NELL1: variants seen among roughly 807,000 people sequenced by gnomAD.
NELL1 encodes the protein protein kinase C-binding protein NELL1.
A neutral mutation model predicts 107.4 loss-of-function variants in NELL1; 76 were observed. The observed-to-expected ratio is 0.71, with a 90% CI of 0.59 to 0.86. The LOEUF is 0.86. Among genes scored for constraint, NELL1 ranks in the 40% least tolerant of loss-of-function variants. The pLI is 0.00. For missense variants in NELL1, 1,024 were observed against 1,005.5 expected, an observed-to-expected ratio of 1.02 and a Z score of -0.25; for synonymous variants, 353 against 341.2, an observed-to-expected ratio of 1.03 and a Z score of -0.38.
Position 21,461,682 on chromosome 11 carries a change from A to G in NELL1, c.1646-72692A>G, listed in dbSNP as rs957531667. 1.4e-4 allele frequency among the ~76,000 whole-genome samples: 22 copies of G among 152,132 alleles called. 1 individual carries two copies. The highest frequency in any genetic ancestry group is 2.0e-4 in the Admixed American group (3 of 15,246). ...TTATCATCAACACCATTTTGAAGTTAAGGAAATGAAGGCACAGAGAGTTTA... is the reference window on the plus strand; with the variant it reads ...TTATCATCAACACCATTTTGAAGTTGAGGAAATGAAGGCACAGAGAGTTTA... On this transcript the variant is annotated intron_variant, in intron 15 of 19. Transcript: ENST00000357134.
chr11:21,248,265 A>G (rs2959172), intron 14 of NELL1, among the ~76,000 whole-genome samples: 139,250 of 151,766 alleles, frequency 0.92, 64,099 homozygotes, highest in Non-Finnish European at 0.96. Context: ...AGGATTGCTT[A>G]AGCCCAGGAT....
At chr11:20,956,686 A>G (rs920640884) in intron 11 of NELL1, among the ~76,000 whole-genome samples, 2 of 151,954 alleles carry the variant, frequency 1.3e-5, no homozygotes, top group Non-Finnish European at 2.9e-5. Flanking sequence ...TCCGTTCGCC[A>G]TATGCATACC....
chr11:21,299,534 TGTGTGTGTGTGTGTGTGTG>T lies in NELL1; in HGVS notation c.1549+70081_1549+70099del, dbSNP rs1452092575. On this transcript the variant is annotated intron_variant, in intron 14 of 19. Coordinates refer to ENST00000357134, the MANE Select transcript of NELL1 (RefSeq NM_006157.5). ...ATATGTGTGTGTGTGTGTGTGTGTG[TGTGTGTGTGTGTGTGTGTG>T]TGTGTGTGTGTTTATTTTTTGGACC... is the stretch of plus-strand genomic sequence containing the variant. Among the ~76,000 whole-genome samples, 74 of 145,788 alleles carry T rather than the reference TGTGTGTGTGTGTGTGTGTG, an allele frequency of 5.1e-4. 1 individual carries two copies. Among genetic ancestry groups the T allele is most frequent in the Non-Finnish European group, 8.7e-4 (56 of 64,282 alleles).
At chr11:20,689,856 G>T (rs900779798) in intron 2 of NELL1, among the ~76,000 whole-genome samples, 8 of 151,094 alleles carry the variant, frequency 5.3e-5, no homozygotes, top group African/African-American at 2.0e-4. Context: ...CTGAGGAATC[G>T]CCACACTGAC....
At chr11:21,216,636 T>A (rs1159221919) in intron 13 of NELL1, among the ~76,000 whole-genome samples, 1 of 152,210 alleles carries the variant, frequency 6.6e-6, no homozygotes, top group Non-Finnish European at 1.5e-5. Context: ...TTTTAATGAC[T>A]GCCCTATTGG....
chr11:20,942,886 G>C (rs1850884120), intron 10 of NELL1, among the ~76,000 whole-genome samples: 1 of 152,132 alleles, frequency 6.6e-6, no homozygotes, highest in Non-Finnish European at 1.5e-5. Context: ...ACTCTAGCAA[G>C]GGTCACTATT....
intron 14 of NELL1, among the ~76,000 whole-genome samples, chr11:21,326,507 A>AT (rs2133677885): frequency 1.3e-5 from 2 of 152,218 alleles, no homozygotes; most frequent in Non-Finnish European, 1.5e-5. Flanking sequence ...ATTTAAAAAA[A>AT]TTTTAATAGT....
chr11:20,914,325 T>C (rs1850198137), intron 5 of NELL1, among the ~76,000 whole-genome samples: 2 of 152,086 alleles, frequency 1.3e-5, no homozygotes, highest in African/African-American at 4.8e-5. Context: ...ATGTAAGATT[T>C]ACATTGGTTT....
chr11:20,918,434 A>G (rs907847531), intron 6 of NELL1, among the ~76,000 whole-genome samples, 180 bp downstream of exon 6: 5 of 151,960 alleles, frequency 3.3e-5, no homozygotes, highest in African/African-American at 7.2e-5. Context: ...AATATGTATC[A>G]TTTATTGTAT....
At chr11:21,477,308 C>G (rs1245397588) in intron 15 of NELL1, among the ~76,000 whole-genome samples, 1 of 152,150 alleles carries the variant, frequency 6.6e-6, no homozygotes, top group Admixed American at 6.5e-5. Flanking sequence ...CTGATGCCCA[C>G]ATTCCAGCTC....
intron 2 of NELL1, among the ~76,000 whole-genome samples, chr11:20,722,770 G>T (rs1018336): frequency 0.12 from 18,196 of 152,156 alleles, 2,733 homozygotes; most frequent in African/African-American, 0.36. Context: ...GCAAGCCATA[G>T]TTGCCTGGCA....
chr11:21,036,570 A>G (rs761875509), intron 12 of NELL1, among the ~76,000 whole-genome samples: 3 of 152,110 alleles, frequency 2.0e-5, no homozygotes, highest in Non-Finnish European at 4.4e-5. Flanking sequence ...TGGAACTCCA[A>G]TTAGACTTGC....
At position 21,174,339 on chromosome 11, in the gene NELL1, C is replaced by T. The variant is rs76071590; in HGVS notation, c.1427-54993C>T. Among the ~76,000 whole-genome samples, 8 of 151,980 alleles carry T rather than the reference C, an allele frequency of 5.3e-5. No individual in the cohort carries two copies. In the East Asian group the frequency reaches 1.5e-3, roughly 29 times the overall value. On this transcript the variant is annotated intron_variant, in intron 13 of 19. Coordinates refer to ENST00000357134, the MANE Select transcript of NELL1 (RefSeq NM_006157.5). ...AATATATGTGGTAGCTTACAAAAAA[C>T]TATGTCTTCTAACATTTTAAGCTTT...
intron 14 of NELL1, among the ~76,000 whole-genome samples, chr11:21,364,648 A>C (rs1851172974): frequency 6.6e-6 from 1 of 152,192 alleles, no homozygotes; most frequent in African/African-American, 2.4e-5. Context: ...TTATATGTGC[A>C]TATAAAGGTC....
chr11:21,089,781 G>A (rs924070391), intron 12 of NELL1, among the ~76,000 whole-genome samples: 3 of 152,158 alleles, frequency 2.0e-5, no homozygotes, highest in African/African-American at 7.2e-5. Context: ...TAGGAATATT[G>A]GTAGTCCTTG....
At chr11:21,288,149 G>A (rs1365904641) in intron 14 of NELL1, among the ~76,000 whole-genome samples, 1 of 151,544 alleles carries the variant, frequency 6.6e-6, no homozygotes, top group Non-Finnish European at 1.5e-5. Flanking sequence ...AGGAAGGGAA[G>A]GAAAGAAAGG....
At chr11:21,226,674 A>T (rs1025459027) in intron 13 of NELL1, among the ~76,000 whole-genome samples, 4 of 152,192 alleles carry the variant, frequency 2.6e-5, no homozygotes, top group African/African-American at 9.7e-5. Flanking sequence ...CTCAAAGTCA[A>T]TTATGGCATT....
At chr11:21,482,665 T>G (rs1178315917) in intron 15 of NELL1, among the ~76,000 whole-genome samples, 1 of 151,684 alleles carries the variant, frequency 6.6e-6, no homozygotes, top group Non-Finnish European at 1.5e-5. Context: ...GACACTGAAC[T>G]CTTTGAGGGC....
rs1297393316 is a variant in NELL1, at chr11:20,947,325, T to C, written c.1072-11T>C. On this transcript the variant is annotated splice_polypyrimidine_tract_variant and intron_variant, in intron 10 of 19. Transcript: ENST00000357134. ...GAACATCTTTTTCTTTCCCTAATAT[T>C]TGGCTTCCAGGGTGGAGTTTTAGTA... The C allele has an allele frequency of 1.1e-5, 18 of 1,592,930 alleles. No individual in the cohort carries two copies. In the Admixed American group the frequency reaches 3.0e-4, roughly 27 times the overall value.
Sources: gnomAD v4.1 joint callset for allele counts (sites outside exome capture counted in the v4.1 genomes callset) on GRCh38, gnomAD v4.1.1 for gene constraint, MANE v1.5 for transcripts, NCBI Gene and HGNC (gene_info 2026-07-23, HGNC 2026-07-21) for gene names.